The following HHAT variants were observed in gnomAD, a reference collection of about 807,000 sequenced individuals.
HHAT encodes hedgehog acyltransferase.
In HHAT, 47 loss-of-function variants were observed where a neutral mutation model predicts 70.8. The ratio of observed to expected loss-of-function variants is 0.66; its 90% CI spans 0.53 to 0.85. The LOEUF is 0.85. Ranked by LOEUF, HHAT falls within the 40% of genes least tolerant of loss-of-function variation. HHAT has a pLI of 0.00. For synonymous variants in HHAT, 228 were observed against 247.6 expected (o/e 0.92, Z 0.74); for missense variants, 609 against 604.8 (o/e 1.01, Z -0.07).
chr1:210,552,355 G>A (rs539598011), intron 9 of HHAT, among the ~76,000 whole-genome samples: 11 of 152,294 alleles, frequency 7.2e-5, no homozygotes, highest in Non-Finnish European at 1.0e-4. Context: ...TGTCCGATTT[G>A]TGTCCTTCTG....
chr1:210,423,542 C>A (rs2092967606), intron 7 of HHAT, among the ~76,000 whole-genome samples: 1 of 152,150 alleles, frequency 6.6e-6, no homozygotes, highest in Non-Finnish European at 1.5e-5. Flanking sequence ...CTTTTCTTTG[C>A]AGAAGCTTTT....
chr1:210,618,608 C>G (rs935331017), intron 10 of HHAT, among the ~76,000 whole-genome samples: 1 of 152,204 alleles, frequency 6.6e-6, no homozygotes, highest in Admixed American at 6.5e-5. Context: ...CTGTCCCCAC[C>G]TCCCGTCTCA....
At chr1:210,540,676 A>C (rs555684115) in intron 9 of HHAT, among the ~76,000 whole-genome samples, 14 of 151,494 alleles carry the variant, frequency 9.2e-5, no homozygotes, top group African/African-American at 3.4e-4. Context: ...TACATTGTCC[A>C]GGTTGGAGTG....
At chr1:210,470,413 C>T (rs1406213168) in intron 8 of HHAT, among the ~76,000 whole-genome samples, 3 of 151,976 alleles carry the variant, frequency 2.0e-5, no homozygotes, top group Non-Finnish European at 4.4e-5. Flanking sequence ...TTAGTCAATC[C>T]CCCTCTCTCA....
chr1:210,364,438 T>C (rs1376045637), intron 3 of HHAT, among the ~76,000 whole-genome samples: 3 of 152,188 alleles, frequency 2.0e-5, no homozygotes, highest in Non-Finnish European at 4.4e-5. Context: ...TTTTTCCTTT[T>C]AGAGTTAAAA....
At chr1:210,475,762 A>G (rs894606122) in intron 8 of HHAT, among the ~76,000 whole-genome samples, 3 of 152,156 alleles carry the variant, frequency 2.0e-5, no homozygotes, top group Non-Finnish European at 1.5e-5. Context: ...TGTAATATGG[A>G]GGAAAATAAG....
chr1:210,656,239 GGAGCCCTTCTAGACCTCCCATAGAA>G (rs1169600781), intron 11 of HHAT, among the ~76,000 whole-genome samples: 1 of 152,028 alleles, frequency 6.6e-6, no homozygotes. Flanking sequence ...GTCCCCATGT[GGAGCCCTTCTAGACCTCCCATAGAA>G]GAGCCCTTCT....
chr1:210,433,593 G>C (rs1192939176), intron 7 of HHAT, among the ~76,000 whole-genome samples: 1 of 151,690 alleles, frequency 6.6e-6, no homozygotes, highest in Non-Finnish European at 1.5e-5. Flanking sequence ...GTGGCTGCTT[G>C]TCTGTCAGGG....
chr1:210,532,446 G>A (rs1243630276), intron 9 of HHAT, among the ~76,000 whole-genome samples: 1 of 152,098 alleles, frequency 6.6e-6, no homozygotes, highest in African/African-American at 2.4e-5. Context: ...TTATTTCATG[G>A]CCTTAGGAAA....
At chr1:210,656,148 A>G (rs139802123) in intron 11 of HHAT, among the ~76,000 whole-genome samples, 2,018 of 152,310 alleles carry the variant, frequency 0.013, 22 homozygotes, top group Non-Finnish European at 0.021. Context: ...TCTGCCTTCT[A>G]GAGTGACATA....
intron 4 of HHAT, among the ~76,000 whole-genome samples, chr1:210,390,635 T>G (rs2091400531): frequency 6.6e-6 from 1 of 152,174 alleles, no homozygotes; most frequent in Non-Finnish European, 1.5e-5. Context: ...CAATATGTAG[T>G]CTTTTATTCC....
chr1:210,651,768 A>C (rs1287482118), intron 11 of HHAT, among the ~76,000 whole-genome samples: 1 of 152,256 alleles, frequency 6.6e-6, no homozygotes, highest in African/African-American at 2.4e-5. Flanking sequence ...CAAAACAAGC[A>C]TAGTCATAGG....
At chr1:210,392,639 A>G (rs1393123801) in intron 4 of HHAT, among the ~76,000 whole-genome samples, 1 of 152,162 alleles carries the variant, frequency 6.6e-6, no homozygotes, top group Non-Finnish European at 1.5e-5. Context: ...TAATAGAGAT[A>G]GAGTCTTGCT....
At chr1:210,493,261 C>T (rs2094579247) in intron 8 of HHAT, among the ~76,000 whole-genome samples, 1 of 151,990 alleles carries the variant, frequency 6.6e-6, no homozygotes, top group South Asian at 2.1e-4. Flanking sequence ...TGTATATATA[C>T]ATACATATTT....
At position 210,361,065 on chromosome 1, in the gene HHAT, G is replaced by A. The variant is rs375559146; in HGVS notation, c.92-1787G>A. ...CACTGCTTTTGAATGAACTCTTAAA[G>A]AAGCACCAAAAAAAAGAGCTTAAGT... On this transcript the variant is annotated intron_variant, in intron 2 of 11. Transcript: ENST00000261458. 2.3e-4 allele frequency among the ~76,000 whole-genome samples: 35 copies of A among 151,798 alleles called. No individual in the cohort carries two copies. The East Asian group carries it at 2.3e-3, about 10-fold the overall frequency.
At chr1:210,641,893 C>G (rs563830634) in intron 11 of HHAT, among the ~76,000 whole-genome samples, 1 of 152,330 alleles carries the variant, frequency 6.6e-6, no homozygotes, top group Non-Finnish European at 1.5e-5. Context: ...CCTTCTTACA[C>G]CCTCTTCCAC....
At chr1:210,672,758 A>G (rs1358031105) in intron 11 of HHAT, among the ~76,000 whole-genome samples, 1 of 152,186 alleles carries the variant, frequency 6.6e-6, no homozygotes, top group Non-Finnish European at 1.5e-5. Flanking sequence ...TTAAAAAAAG[A>G]AGAAAAAGAA....
intron 7 of HHAT, among the ~76,000 whole-genome samples, chr1:210,460,680 T>A (rs1338745064): frequency 6.6e-6 from 1 of 152,182 alleles, no homozygotes; most frequent in African/African-American, 2.4e-5. Flanking sequence ...GTTAAGTGAA[T>A]GAGATGAGAC....
At chr1:210,535,527 A>G (rs2095362765) in intron 9 of HHAT, among the ~76,000 whole-genome samples, 1 of 151,362 alleles carries the variant, frequency 6.6e-6, no homozygotes, top group Non-Finnish European at 1.5e-5. Flanking sequence ...ATCCCTTTGG[A>G]TGGGGGAGAA....
Sources: allele counts gnomAD v4.1 joint callset (sites outside exome capture counted in the v4.1 genomes callset), GRCh38; gene constraint gnomAD v4.1.1; transcripts MANE v1.5; gene names NCBI Gene and HGNC (gene_info 2026-07-23, HGNC 2026-07-21).